The following RTN1 variants were observed in gnomAD, a reference collection of about 807,000 sequenced individuals.
The protein encoded by RTN1 is reticulon-1.
RTN1 carries 25 observed loss-of-function variants against 65.5 expected under a neutral mutation model. The ratio of observed to expected loss-of-function variants is 0.38; its 90% CI spans 0.28 to 0.53. The LOEUF (loss-of-function observed/expected upper bound fraction) is 0.53. RTN1 is among the 20% of genes least tolerant of loss of function. The pLI is 0.79. For synonymous variants in RTN1, 471 were observed against 447.6 expected (o/e 1.05, Z -0.66); for missense variants, 983 against 1,025.4 (o/e 0.96, Z 0.57).
intron 3 of RTN1, among the ~76,000 whole-genome samples, chr14:59,702,391 C>T (rs960555467): frequency 1.3e-5 from 2 of 152,166 alleles, no homozygotes; most frequent in South Asian, 4.1e-4. Flanking sequence ...TTGGCTACAA[C>T]TTTTAAAGTC....
At chr14:59,783,806 C>G (rs1352055577) in intron 1 of RTN1, among the ~76,000 whole-genome samples, 1 of 150,636 alleles carries the variant, frequency 6.6e-6, no homozygotes, top group African/African-American at 2.4e-5. Context: ...ATGTTTTTCT[C>G]AACAGCTAGC....
At chr14:59,606,747 C>T (rs1386283596) in intron 4 of RTN1, among the ~76,000 whole-genome samples, 4 of 152,200 alleles carry the variant, frequency 2.6e-5, no homozygotes, top group Non-Finnish European at 1.5e-5. Flanking sequence ...AATGTGCATT[C>T]AAATCAGGTT....
intron 1 of RTN1, among the ~76,000 whole-genome samples, chr14:59,775,990 A>G (rs1329207161): frequency 1.3e-5 from 2 of 152,204 alleles, no homozygotes; most frequent in African/African-American, 4.8e-5. Context: ...TGAAATAAAG[A>G]TGATTCAATT....
At chr14:59,712,520 T>C (rs968236570) in intron 3 of RTN1, among the ~76,000 whole-genome samples, 3 of 152,170 alleles carry the variant, frequency 2.0e-5, no homozygotes, top group Non-Finnish European at 2.9e-5. Flanking sequence ...CAACTTCCGA[T>C]AAATTGTTGG....
At chr14:59,719,041 C>T (rs1884595850) in intron 3 of RTN1, among the ~76,000 whole-genome samples, 1 of 152,138 alleles carries the variant, frequency 6.6e-6, no homozygotes, top group South Asian at 2.1e-4. Context: ...GCTTGCTTGT[C>T]CTCCTTCAAC....
chr14:59,703,914 G>A (rs1884234471), intron 3 of RTN1, among the ~76,000 whole-genome samples: 1 of 152,146 alleles, frequency 6.6e-6, no homozygotes, highest in Admixed American at 6.5e-5. Flanking sequence ...TCCAGGCTGA[G>A]GCCTACTCAT....
intron 2 of RTN1, among the ~76,000 whole-genome samples, chr14:59,743,282 T>G (rs1344797785): frequency 6.6e-6 from 1 of 152,180 alleles, no homozygotes; most frequent in African/African-American, 2.4e-5. Flanking sequence ...GGACCCTTTG[T>G]CAAGTCTTTG....
chr14:59,751,076 A>T (rs1336905087), intron 1 of RTN1, among the ~76,000 whole-genome samples: 3 of 151,912 alleles, frequency 2.0e-5, no homozygotes. Flanking sequence ...GTGTGAAAAG[A>T]CAGGTTAGAA....
At chr14:59,775,190 G>A (rs1030213254) in intron 1 of RTN1, among the ~76,000 whole-genome samples, 1 of 152,120 alleles carries the variant, frequency 6.6e-6, no homozygotes, top group Non-Finnish European at 1.5e-5. Flanking sequence ...TCTACTGGCT[G>A]AATGTCACTG....
chr14:59,791,943 T>C (rs915782645), intron 1 of RTN1, among the ~76,000 whole-genome samples: 1 of 152,064 alleles, frequency 6.6e-6, no homozygotes, highest in Non-Finnish European at 1.5e-5. Flanking sequence ...ACAGATTGCT[T>C]CTCTCTAAAT....
At position 59,843,582 on chromosome 14, in the gene RTN1, T is replaced by A. The variant is rs950140917; in HGVS notation, c.241+26808A>T. Among the ~76,000 whole-genome samples, 15 of 152,332 alleles carry A rather than the reference T, an allele frequency of 9.8e-5. No homozygotes were observed. In the East Asian group the frequency reaches 1.7e-3, roughly 18 times the overall value. ...TCAACTTATATACCTGTTACTAACA[T>A]CTGCTAAGCACGTGTAACTGCACAC... is the stretch of plus-strand genomic sequence containing the variant. On this transcript the variant is annotated intron_variant, in intron 1 of 8. Transcript: ENST00000267484.
intron 1 of RTN1, among the ~76,000 whole-genome samples, chr14:59,762,224 C>T (rs968914432): frequency 2.0e-5 from 3 of 152,164 alleles, no homozygotes; most frequent in Non-Finnish European, 4.4e-5. Flanking sequence ...CATTGAATTA[C>T]TGGCCTGGGG....
intron 1 of RTN1, among the ~76,000 whole-genome samples, chr14:59,779,232 T>TG (rs1886108720): frequency 6.6e-6 from 1 of 152,048 alleles, no homozygotes; most frequent in Non-Finnish European, 1.5e-5. Flanking sequence ...GGGAGGAGTC[T>TG]GGGGTAATCC....
rs1374704896 is a variant in RTN1, at chr14:59,846,287, C to A, written c.241+24103G>T. Among the ~76,000 whole-genome samples, 2 of 152,124 alleles carry A rather than the reference C, an allele frequency of 1.3e-5. No individual in the cohort carries two copies. The highest frequency in any genetic ancestry group is 1.3e-4 in the Admixed American group (2 of 15,264). On this transcript the variant is annotated intron_variant, in intron 1 of 8. Transcript: ENST00000267484. The surrounding 1 kb of genome is among the most constrained non-coding windows in gnomAD (Gnocchi z 4.8). ...ATCCTGGCCCATCTGCTGCTTGTGTCCCTCCTCCTTGCTCACCTACAGCAG... is the reference window on the plus strand; with the variant it reads ...ATCCTGGCCCATCTGCTGCTTGTGTACCTCCTCCTTGCTCACCTACAGCAG...
At chr14:59,858,649 G>A (rs1416245340) in intron 1 of RTN1, among the ~76,000 whole-genome samples, 1 of 152,122 alleles carries the variant, frequency 6.6e-6, no homozygotes, top group Non-Finnish European at 1.5e-5. Flanking sequence ...TTGGGGATTG[G>A]ACACGGAAAT....
intron 5 of RTN1, 51 bp from the exon 6 acceptor site, chr14:59,603,972 A>G: frequency 1.4e-6 from 2 of 1,404,100 alleles, no homozygotes; most frequent in South Asian, 1.2e-5. Context: ...CTGACAAGTT[A>G]GAGTCTCATA....
intron 4 of RTN1, chr14:59,606,102 T>TTA (rs1566658026): frequency 3.9e-5 from 2 of 51,688 alleles, no homozygotes; most frequent in African/African-American, 2.3e-4. Context: ...GGGAAAAACA[T>TTA]GATATATATA....
At chr14:59,648,564 C>A (rs966842400) in intron 3 of RTN1, among the ~76,000 whole-genome samples, 2 of 152,166 alleles carry the variant, frequency 1.3e-5, no homozygotes, top group African/African-American at 2.4e-5. Flanking sequence ...CTGAATCCAG[C>A]AGCACATCAA....
intron 3 of RTN1, among the ~76,000 whole-genome samples, chr14:59,624,552 C>A (rs186247488): frequency 1.1e-4 from 17 of 152,068 alleles, no homozygotes; most frequent in African/African-American, 3.1e-4. Context: ...ACCTCTGCCC[C>A]CTGGGTTCAA....
Sources: allele counts gnomAD v4.1 joint callset (sites outside exome capture counted in the v4.1 genomes callset), GRCh38; gene constraint gnomAD v4.1.1; non-coding constraint Gnocchi (gnomAD v3.1); transcripts MANE v1.5; gene names NCBI Gene and HGNC (gene_info 2026-07-23, HGNC 2026-07-21).